Variants in XKR9 observed in about 807,000 individuals in gnomAD.
The protein encoded by XKR9 is XK related 9, also known as XK-related protein 9.
XKR9 carries 32 observed loss-of-function variants against 32.0 expected under a neutral mutation model. The ratio of observed to expected loss-of-function variants is 1.00; its 90% CI spans 0.76 to 1.34. The LOEUF (loss-of-function observed/expected upper bound fraction) is 1.34. Among genes scored for constraint, XKR9 ranks in the 40% most tolerant of loss-of-function variants. The pLI is 0.00. For synonymous variants in XKR9, 168 were observed against 143.4 expected, an observed-to-expected ratio of 1.17 and a Z score of -1.22; for missense variants, 546 against 429.7, an observed-to-expected ratio of 1.27 and a Z score of -2.39.
At chr8:70,854,824 A>G in the XKR9 span, among the ~76,000 whole-genome samples, 2 of 152,164 alleles carry the variant, frequency 1.3e-5, no homozygotes, top group African/African-American at 4.8e-5. Context: ...CAAAGATCAG[A>G]TAGTTGCAGA....
At chr8:70,793,542 G>A (rs1807792001), downstream of XKR9, among the ~76,000 whole-genome samples, 1 of 152,006 alleles carries the variant, frequency 6.6e-6, no homozygotes, top group Non-Finnish European at 1.5e-5. Context: ...CTTGACCTTG[G>A]ACTTCTCAGC....
At chr8:70,948,579 C>A in the XKR9 span, among the ~76,000 whole-genome samples, 3 of 152,134 alleles carry the variant, frequency 2.0e-5, no homozygotes, top group Non-Finnish European at 4.4e-5. Context: ...GCATGTCATT[C>A]TCTCTGGTCT....
At chr8:70,888,453 A>G in the XKR9 span, among the ~76,000 whole-genome samples, 1 of 151,478 alleles carries the variant, frequency 6.6e-6, no homozygotes, top group Non-Finnish European at 1.5e-5. Context: ...ACACTTTTTC[A>G]TTTGAGGTAA....
the XKR9 span, among the ~76,000 whole-genome samples, chr8:70,800,520 C>T: frequency 9.7e-4 from 147 of 152,178 alleles, no homozygotes; most frequent in Non-Finnish European, 1.5e-3. Context: ...AAGTGTTGCT[C>T]TGTCACCCAC....
At chr8:70,878,287 T>C in the XKR9 span, among the ~76,000 whole-genome samples, 1 of 152,118 alleles carries the variant, frequency 6.6e-6, no homozygotes, top group Non-Finnish European at 1.5e-5. Context: ...AATGAGAGGA[T>C]CAAAATCACA....
chr8:70,746,038 C>G (rs1024402372), intron 2 of XKR9, among the ~76,000 whole-genome samples: 1 of 152,022 alleles, frequency 6.6e-6, no homozygotes, highest in Admixed American at 6.6e-5. Context: ...GATATTAGAT[C>G]TAGTTTGTTA....
chr8:70,701,726 G>T (rs571857946), intron 3 of XKR9, among the ~76,000 whole-genome samples: 4 of 152,268 alleles, frequency 2.6e-5, no homozygotes, highest in African/African-American at 9.6e-5. Context: ...ATTCATGTTG[G>T]TAGATGAAAG....
chr8:70,854,789 C>A, the XKR9 span, among the ~76,000 whole-genome samples: 4 of 152,164 alleles, frequency 2.6e-5, no homozygotes, highest in African/African-American at 9.6e-5. Context: ...ATCCTTTCCC[C>A]ATTTCTTGTT....
chr8:70,983,627 A>G, the XKR9 span, among the ~76,000 whole-genome samples: 1 of 151,954 alleles, frequency 6.6e-6, no homozygotes, highest in East Asian at 1.9e-4. Context: ...CTAAAAATAC[A>G]AAAATTAGCT....
chr8:70,773,409 A>G (rs1489563146), intron 2 of XKR9, among the ~76,000 whole-genome samples: 1 of 152,172 alleles, frequency 6.6e-6, no homozygotes, highest in Non-Finnish European at 1.5e-5. Context: ...TAGAGCATAG[A>G]GCAACACAAC....
At chr8:70,941,974 A>G in the XKR9 span, among the ~76,000 whole-genome samples, 1 of 152,132 alleles carries the variant, frequency 6.6e-6, no homozygotes, top group Non-Finnish European at 1.5e-5. Context: ...ACATCTGTTG[A>G]GAAAAGAATG....
chr8:71,031,255 T>G, the XKR9 span, among the ~76,000 whole-genome samples: 1 of 152,218 alleles, frequency 6.6e-6, no homozygotes, highest in South Asian at 2.1e-4. Context: ...TAATGGATTT[T>G]TATAATAGTT....
At chr8:70,681,404 G>T in intron 3 of XKR9, 74 bp downstream of exon 3, 1 of 1,508,010 alleles carries the variant, frequency 6.6e-7, no homozygotes, top group Non-Finnish European at 8.9e-7. Flanking sequence ...TATCTTATCT[G>T]GGTAGTCAAA....
At chr8:70,859,172 C>T in the XKR9 span, among the ~76,000 whole-genome samples, 1 of 151,792 alleles carries the variant, frequency 6.6e-6, no homozygotes, top group Non-Finnish European at 1.5e-5. Context: ...CCAAATAATC[C>T]AATCAAAATT....
At chr8:70,765,746 A>T (rs1807366526) in intron 2 of XKR9, among the ~76,000 whole-genome samples, 1 of 152,148 alleles carries the variant, frequency 6.6e-6, no homozygotes, top group African/African-American at 2.4e-5. Flanking sequence ...TAAGTCTTAC[A>T]TTTAAGTCTT....
intron 2 of XKR9, among the ~76,000 whole-genome samples, chr8:70,676,433 A>G (rs959199622): frequency 6.6e-6 from 1 of 152,172 alleles, no homozygotes; most frequent in Non-Finnish European, 1.5e-5. Context: ...GCATTATTTT[A>G]CCTAAGGTGG....
chr8:70,994,910 G>A, the XKR9 span, among the ~76,000 whole-genome samples: 1 of 152,104 alleles, frequency 6.6e-6, no homozygotes, highest in African/African-American at 2.4e-5. Context: ...TGTTTCTAGG[G>A]CAGCAAATAG....
chr8:70,802,182 C>T, the XKR9 span, among the ~76,000 whole-genome samples: 138 of 152,024 alleles, frequency 9.1e-4, no homozygotes, highest in African/African-American at 3.0e-3. Context: ...GTGAGCCGCC[C>T]GCCTCAGCCT....
intron 3 of XKR9, among the ~76,000 whole-genome samples, chr8:70,684,557 A>G (rs1819194671): frequency 7.5e-6 from 1 of 134,218 alleles, no homozygotes; most frequent in Admixed American, 7.3e-5. Context: ...TCAATTAAAT[A>G]TAATTATATT....
Sources: allele counts gnomAD v4.1 joint callset (sites outside exome capture counted in the v4.1 genomes callset), GRCh38; gene constraint gnomAD v4.1.1; transcripts MANE v1.5; gene names NCBI Gene and HGNC (gene_info 2026-07-23, HGNC 2026-07-21).